RORB: variants seen among roughly 807,000 people sequenced by gnomAD.
The protein encoded by RORB is RAR related orphan receptor B, also known as nuclear receptor ROR-beta.
In RORB, 6 loss-of-function variants were observed where a neutral mutation model predicts 59.1. The ratio of observed to expected loss-of-function variants is 0.10; its 90% CI spans 0.06 to 0.20. RORB has a LOEUF of 0.20. Among genes scored for constraint, RORB ranks in the 10% least tolerant of loss-of-function variants. RORB has a pLI of 1.00. For synonymous variants in RORB, 215 were observed against 204.5 expected (o/e 1.05, Z -0.44); for missense variants, 320 against 560.5 (o/e 0.57, Z 4.33).
intron 1 of RORB, among the ~76,000 whole-genome samples, chr9:74,502,021 A>T (rs1025175454): frequency 6.6e-6 from 1 of 152,168 alleles, no homozygotes; most frequent in Non-Finnish European, 1.5e-5. Context: ...CATCATTATT[A>T]AAGTGGTTTA....
intron 1 of RORB, among the ~76,000 whole-genome samples, chr9:74,518,263 C>T (rs1389205084): frequency 6.6e-6 from 1 of 151,964 alleles, no homozygotes; most frequent in Admixed American, 6.6e-5. Flanking sequence ...TCCGTGGCAC[C>T]GTTAATTGAA....
chr9:74,680,043 C>T (rs1461588442), intron 9 of RORB, among the ~76,000 whole-genome samples: 1 of 152,110 alleles, frequency 6.6e-6, no homozygotes, highest in African/African-American at 2.4e-5. Context: ...GTGGAAGTTG[C>T]AGTGAGCCGA....
chr9:74,568,455 A>T (rs1822499913), intron 1 of RORB, among the ~76,000 whole-genome samples: 1 of 152,078 alleles, frequency 6.6e-6, no homozygotes, highest in South Asian at 2.1e-4. Flanking sequence ...TAATCCCAGC[A>T]CTTTGGGAGG....
intron 1 of RORB, among the ~76,000 whole-genome samples, chr9:74,594,086 A>C (rs1822938849): frequency 6.6e-6 from 1 of 152,362 alleles, no homozygotes; most frequent in South Asian, 2.1e-4. Flanking sequence ...GGGAATTTGC[A>C]AAGGCTCCAT....
intron 1 of RORB, among the ~76,000 whole-genome samples, chr9:74,545,854 A>G (rs1826478267): frequency 2.0e-5 from 3 of 152,230 alleles, no homozygotes; most frequent in Non-Finnish European, 4.4e-5. Flanking sequence ...GCATAAGCCA[A>G]TAATTGATGG....
intron 1 of RORB, among the ~76,000 whole-genome samples, chr9:74,582,926 A>G (rs1444653677): frequency 6.6e-6 from 1 of 152,214 alleles, no homozygotes; most frequent in African/African-American, 2.4e-5. Context: ...TAGGAGGGAT[A>G]GAAAAGTGAG....
At chr9:74,567,168 C>T (rs972013145) in intron 1 of RORB, among the ~76,000 whole-genome samples, 1 of 151,986 alleles carries the variant, frequency 6.6e-6, no homozygotes. Context: ...TGGAAATACA[C>T]GCACACACCA....
chr9:74,590,184 TG>T (rs1366275289), intron 1 of RORB, among the ~76,000 whole-genome samples: 1 of 152,178 alleles, frequency 6.6e-6, no homozygotes, highest in Admixed American at 6.5e-5. Context: ...GCAGCAGTGC[TG>T]GGAGTACTAA....
intron 1 of RORB, among the ~76,000 whole-genome samples, chr9:74,565,853 T>C (rs1248895345): frequency 6.6e-6 from 1 of 152,206 alleles, no homozygotes; most frequent in East Asian, 1.9e-4. Context: ...GTCCCCTTCA[T>C]GTCTCTTACA....
At chr9:74,517,616 T>C (rs1293837370) in intron 1 of RORB, among the ~76,000 whole-genome samples, 2 of 152,090 alleles carry the variant, frequency 1.3e-5, no homozygotes, top group Non-Finnish European at 2.9e-5. Context: ...AATCTAATTT[T>C]ATTTTTTTAA....
chr9:74,625,539 G>C (rs1035669385), intron 1 of RORB, among the ~76,000 whole-genome samples: 1 of 152,158 alleles, frequency 6.6e-6, no homozygotes, highest in Non-Finnish European at 1.5e-5. Context: ...CCCTGAGTCT[G>C]GGGGTTTGAG....
intron 9 of RORB, among the ~76,000 whole-genome samples, chr9:74,681,353 G>T (rs529354077): frequency 4.3e-4 from 65 of 152,180 alleles, no homozygotes; most frequent in African/African-American, 1.4e-3. Flanking sequence ...TGCTGCTGCC[G>T]CCTCCACATG....
chr9:74,652,916 G>C (rs950323291), intron 4 of RORB, among the ~76,000 whole-genome samples: 2 of 152,180 alleles, frequency 1.3e-5, no homozygotes, highest in Non-Finnish European at 2.9e-5. Flanking sequence ...ATCACTAATA[G>C]ATTACTGTTT....
At chr9:74,539,657 C>A (rs553531846) in intron 1 of RORB, among the ~76,000 whole-genome samples, 1 of 151,950 alleles carries the variant, frequency 6.6e-6, no homozygotes, top group South Asian at 2.1e-4. Context: ...AAAAATGATA[C>A]AAATGGCATT....
chr9:74,667,955 A>T, intron 8 of RORB, 54 bp downstream of exon 8: 1 of 1,084,802 alleles, frequency 9.2e-7, no homozygotes, highest in East Asian at 2.4e-5. Flanking sequence ...TACTATTTTT[A>T]ACACTGATGA....
chr9:74,528,883 T>G (rs1184399990), intron 1 of RORB, among the ~76,000 whole-genome samples: 1 of 151,992 alleles, frequency 6.6e-6, no homozygotes, highest in East Asian at 1.9e-4. Flanking sequence ...CATGAGGAAA[T>G]GAGACTAAGG....
At chr9:74,656,178 T>A (rs1824076209) in intron 4 of RORB, among the ~76,000 whole-genome samples, 1 of 152,158 alleles carries the variant, frequency 6.6e-6, no homozygotes, top group South Asian at 2.1e-4. Context: ...GATAGACAGA[T>A]GGACATCTTC....
At chr9:74,563,923 T>G (rs180726837) in intron 1 of RORB, among the ~76,000 whole-genome samples, 1 of 152,220 alleles carries the variant, frequency 6.6e-6, no homozygotes, top group Admixed American at 6.5e-5. Flanking sequence ...AGACCAGTGA[T>G]GTGCTTCATA....
chr9:74,514,469 G>A (rs1158897769), intron 1 of RORB, among the ~76,000 whole-genome samples: 1 of 151,884 alleles, frequency 6.6e-6, no homozygotes, highest in East Asian at 1.9e-4. Context: ...TACAAAAACA[G>A]GTGGCAGGCT....
Sources: allele counts gnomAD v4.1 joint callset (sites outside exome capture counted in the v4.1 genomes callset), GRCh38; gene constraint gnomAD v4.1.1; transcripts MANE v1.5; gene names NCBI Gene and HGNC (gene_info 2026-07-23, HGNC 2026-07-21).